Variants in PCDH9 observed in about 807,000 individuals in gnomAD.
PCDH9 encodes protocadherin-9.
In PCDH9, 24 loss-of-function variants were observed where a neutral mutation model predicts 70.6. That is an observed-to-expected ratio of 0.34 (90% CI 0.25 to 0.48). PCDH9 has a LOEUF of 0.48. Among genes scored for constraint, PCDH9 ranks in the 20% least tolerant of loss-of-function variants. PCDH9 has a pLI of 0.99. For synonymous variants in PCDH9, 562 were observed against 558.5 expected, an observed-to-expected ratio of 1.01 and a Z score of -0.09; for missense variants, 1,281 against 1,503.6, an observed-to-expected ratio of 0.85 and a Z score of 2.45.
At chr13:66,759,507 CTT>C (rs1456947987) in intron 3 of PCDH9, among the ~76,000 whole-genome samples, 8 of 152,052 alleles carry the variant, frequency 5.3e-5, no homozygotes, top group Non-Finnish European at 7.4e-5. Context: ...TAAATAAGGA[CTT>C]ACTATTGCCA....
At chr13:67,077,193 CA>C (rs1286266697) in intron 2 of PCDH9, among the ~76,000 whole-genome samples, 2 of 152,160 alleles carry the variant, frequency 1.3e-5, no homozygotes, top group Non-Finnish European at 2.9e-5. Flanking sequence ...CCCTGATCAA[CA>C]TTGCCCATTA....
intron 4 of PCDH9, among the ~76,000 whole-genome samples, chr13:66,310,112 T>C (rs1593778641): frequency 1.3e-5 from 2 of 152,018 alleles, no homozygotes; most frequent in Non-Finnish European, 2.9e-5. Context: ...TGAGTTTGGT[T>C]ATCCTTGGGT....
intron 3 of PCDH9, among the ~76,000 whole-genome samples, chr13:66,823,601 T>A (rs1201139201): frequency 1.3e-5 from 2 of 152,068 alleles, no homozygotes; most frequent in Non-Finnish European, 2.9e-5. Flanking sequence ...TCCTAGGACA[T>A]CTTTATATAA....
At chr13:66,806,319 C>T (rs1047458580) in intron 3 of PCDH9, among the ~76,000 whole-genome samples, 4 of 151,866 alleles carry the variant, frequency 2.6e-5, no homozygotes, top group Admixed American at 6.6e-5. Context: ...CAGAATAGCC[C>T]CAGGTGGTAT....
At chr13:67,113,332 C>A (rs565497523) in intron 2 of PCDH9, among the ~76,000 whole-genome samples, 2 of 152,218 alleles carry the variant, frequency 1.3e-5, no homozygotes, top group South Asian at 4.1e-4. Flanking sequence ...GCATTTGTCC[C>A]TAGAAAAGGG....
Position 66,310,991 on chromosome 13 carries a change from A to C in PCDH9, c.3341-5963T>G, listed in dbSNP as rs73503892. On this transcript the variant is annotated intron_variant, in intron 4 of 4. Transcript: ENST00000377865. The stretch of plus-strand genomic sequence containing the variant: ...TTTGTGCTATCATGAGTGTCTATTA[A>C]GCAAAGACTTGTGCACTCCCAAACA... 9.4e-3 allele frequency among the ~76,000 whole-genome samples: 1,435 copies of C among 152,190 alleles called. 26 individuals carry two copies. The highest frequency in any genetic ancestry group is 0.032 in the African/African-American group (1,346 of 41,548).
chr13:67,099,571 T>C (rs1182324227), intron 2 of PCDH9, among the ~76,000 whole-genome samples: 2 of 152,130 alleles, frequency 1.3e-5, no homozygotes, highest in African/African-American at 2.4e-5. Context: ...ATGGAGAATA[T>C]TGTGTTTTTA....
At chr13:66,925,622 C>A (rs796642738) in intron 2 of PCDH9, among the ~76,000 whole-genome samples, 4 of 92,056 alleles carry the variant, frequency 4.3e-5, no homozygotes, top group Admixed American at 2.2e-4. Flanking sequence ...TTTGTACATT[C>A]TTTCTTTATT....
At chr13:67,073,693 T>C (rs1374165321) in intron 2 of PCDH9, among the ~76,000 whole-genome samples, 2 of 152,212 alleles carry the variant, frequency 1.3e-5, no homozygotes, top group South Asian at 2.1e-4. Flanking sequence ...ATGTATACTT[T>C]CCAGTTTTAA....
intron 4 of PCDH9, among the ~76,000 whole-genome samples, chr13:66,485,141 GA>G (rs957479915): frequency 1.6e-4 from 25 of 152,156 alleles, no homozygotes; most frequent in African/African-American, 6.0e-4. Flanking sequence ...CAGTATTCTT[GA>G]AAACTTGAAG....
intron 3 of PCDH9, among the ~76,000 whole-genome samples, chr13:66,735,317 A>G (rs1039998013): frequency 2.0e-5 from 3 of 152,224 alleles, no homozygotes; most frequent in African/African-American, 7.2e-5. Context: ...CTGTTAAAAT[A>G]AGGAGAGGTT....
chr13:66,337,161 G>C (rs2138134816), intron 4 of PCDH9, among the ~76,000 whole-genome samples: 1 of 151,114 alleles, frequency 6.6e-6, no homozygotes, highest in South Asian at 2.1e-4. Context: ...AGCAATATTT[G>C]GTATATTCCC....
chr13:66,700,935 T>C (rs9529121), intron 3 of PCDH9, among the ~76,000 whole-genome samples: 1 of 97,276 alleles, frequency 1.0e-5, no homozygotes, highest in Non-Finnish European at 2.2e-5. Flanking sequence ...TATATATATA[T>C]ATATATATAT....
chr13:67,057,390 C>T (rs966696684), intron 2 of PCDH9, among the ~76,000 whole-genome samples: 1 of 151,928 alleles, frequency 6.6e-6, no homozygotes, highest in Non-Finnish European at 1.5e-5. Flanking sequence ...CTGTCCATCT[C>T]ACTGGCATGG....
chr13:66,363,970 C>A (rs538442541), intron 4 of PCDH9, among the ~76,000 whole-genome samples: 69 of 152,160 alleles, frequency 4.5e-4, no homozygotes, highest in African/African-American at 1.4e-3. Flanking sequence ...GCCTGGCCAA[C>A]ATGGTGAAAC....
intron 2 of PCDH9, among the ~76,000 whole-genome samples, chr13:67,004,377 C>A (rs540191110): frequency 6.6e-6 from 1 of 151,768 alleles, no homozygotes; most frequent in East Asian, 2.0e-4. Context: ...TCGAGACCAG[C>A]CTGGCCAACA....
intron 2 of PCDH9, chr13:67,202,059 G>A (rs565576503): frequency 4.7e-5 from 7 of 148,836 alleles, no homozygotes; most frequent in Non-Finnish European, 9.0e-5. Flanking sequence ...AAATTATCAA[G>A]TTTTTTTTTT....
At chr13:67,039,411 C>T (rs1002635896) in intron 2 of PCDH9, among the ~76,000 whole-genome samples, 6 of 152,276 alleles carry the variant, frequency 3.9e-5, no homozygotes, top group African/African-American at 1.4e-4. Context: ...CCAGTCAGAT[C>T]CTGGCTTCCA....
Position 66,925,803 on chromosome 13 carries a change from T to C in PCDH9, c.3037-22198A>G, listed in dbSNP as rs115122358. On this transcript the variant is annotated intron_variant, in intron 2 of 4. Coordinates refer to ENST00000377865, the MANE Select transcript of PCDH9 (RefSeq NM_203487.3). ...TTCCTAAGAATTTTCAATGATACTT[T>C]GTAAAGTGAATTTTTGCCTCTGGAT... Among the ~76,000 whole-genome samples, 1,377 of 152,152 alleles carry C rather than the reference T, an allele frequency of 9.1e-3. 17 individuals carry two copies. Among genetic ancestry groups the C allele is most frequent in the African/African-American group, 0.031 (1,306 of 41,536 alleles).
Sources: gnomAD v4.1 joint callset for allele counts (sites outside exome capture counted in the v4.1 genomes callset) on GRCh38, gnomAD v4.1.1 for gene constraint, MANE v1.5 for transcripts, NCBI Gene and HGNC (gene_info 2026-07-23, HGNC 2026-07-21) for gene names.